The following MYO10 variants were observed in gnomAD, a reference collection of about 807,000 sequenced individuals.
MYO10 encodes the protein myosin X.
A neutral mutation model predicts 257.3 loss-of-function variants in MYO10; 133 were observed. The observed-to-expected ratio is 0.52, with a 90% confidence interval of 0.45 to 0.60. The LOEUF is 0.60. Among genes scored for constraint, MYO10 ranks in the 20% least tolerant of loss-of-function variants. MYO10 has a pLI of 0.00. For missense variants in MYO10, 2,399 were observed against 2,635.7 expected, an observed-to-expected ratio of 0.91 and a Z score of 1.97; for synonymous variants, 1,104 against 1,028.6, an observed-to-expected ratio of 1.07 and a Z score of -1.40.
At chr5:16,766,225 G>A in intron 10 of MYO10, 27 bp from the exon 11 acceptor site, 4 of 1,559,398 alleles carry the variant, frequency 2.6e-6, no homozygotes, top group Non-Finnish European at 2.6e-6. Flanking sequence ...AAAGGTGAAT[G>A]AACCCACCGC....
intron 19 of MYO10, among the ~76,000 whole-genome samples, chr5:16,718,712 T>TG (rs1451012262): frequency 3.3e-5 from 5 of 151,746 alleles, no homozygotes; most frequent in African/African-American, 1.2e-4. Context: ...GGTGAGGACG[T>TG]GGAGAACCTT....
At chr5:16,871,420 G>C (rs1744452897) in intron 2 of MYO10, among the ~76,000 whole-genome samples, 1 of 152,232 alleles carries the variant, frequency 6.6e-6, no homozygotes, top group Middle Eastern at 3.4e-3. Context: ...CTGGAGACCA[G>C]TCTGAACAAC....
chr5:16,916,244 A>C (rs1319674291), intron 1 of MYO10: 1 of 435,024 alleles, frequency 2.3e-6, no homozygotes, highest in African/African-American at 2.0e-5. Context: ...CACCGTCAAC[A>C]GATAGTGGTG....
In MYO10 at chr5:16,680,518, C is replaced by T. The variant is rs1036905996; in HGVS notation, c.4385-414G>A. On this transcript the variant is annotated intron_variant, in intron 32 of 40. Transcript: ENST00000513610. ...TAGCCTCTCCCTTCAGAAGACAGCA[C>T]TTGGCCTGGCAGTGTGTGAGTTCAG... Among the ~76,000 whole-genome samples, 8 of 152,292 alleles carry T rather than the reference C, an allele frequency of 5.3e-5. No individual in the cohort carries two copies. In the East Asian group the frequency reaches 1.4e-3, roughly 26 times the overall value.
chr5:16,921,522 T>A (rs969693304), intron 1 of MYO10, among the ~76,000 whole-genome samples: 1 of 150,132 alleles, frequency 6.7e-6, no homozygotes, highest in Admixed American at 6.7e-5. Flanking sequence ...TCCCAAAGAA[T>A]AAAATTTCCA....
intron 2 of MYO10, among the ~76,000 whole-genome samples, chr5:16,869,894 T>A (rs1580095725): frequency 1.4e-5 from 1 of 73,602 alleles, no homozygotes; most frequent in African/African-American, 5.6e-5. Context: ...AATAACTTAA[T>A]AAAAACAGAA....
rs368900642 is a variant in MYO10 at position 16,721,641 on chromosome 5, G to A, written c.1930-10396C>T. The stretch of plus-strand genomic sequence containing the variant: ...TCAGTCCTGGAGGTCAGATTGTAGG[G>A]TCTGGAAATTTCTCACTCACCAAGT... On this transcript the variant is annotated intron_variant, in intron 19 of 40. Coordinates refer to ENST00000513610, the MANE Select transcript of MYO10 (RefSeq NM_012334.3). Among the ~76,000 whole-genome samples the A allele has an allele frequency of 8.0e-4, 122 of 152,280 alleles. 2 individuals carry two copies. Among genetic ancestry groups the A allele is most frequent in the African/African-American group, 2.7e-3 (113 of 41,536 alleles).
chr5:16,813,299 C>T (rs547946074), intron 3 of MYO10, among the ~76,000 whole-genome samples: 2 of 152,072 alleles, frequency 1.3e-5, no homozygotes, highest in African/African-American at 4.8e-5. Flanking sequence ...GAGGGAGGAT[C>T]ACTTGAGCCC....
Position 16,779,595 on chromosome 5 carries a change from A to T in MYO10, c.880T>A (p.Cys294Ser). The change falls in exon 9 of 41, where the codon TGT (cysteine) becomes AGT (serine). Residue 294 changes from cysteine (C) to serine (S), a missense_variant. Around this residue, in one of 3 missense-constraint regions of MYO10, gnomAD observed 337 missense variants for 446.8 expected, o/e 0.75. Transcript: ENST00000513610. ...ENYHYLNQSG[C>S]VEDKTISDQE... ...TCACTGATTGTCTTGTCTTCTACACATCCAGACTGATTCAAGTAGTGGTAG... is the reference window on the plus strand; with the variant it reads ...TCACTGATTGTCTTGTCTTCTACACTTCCAGACTGATTCAAGTAGTGGTAG... 6.2e-7 allele frequency: 1 copy of T among 1,603,108 alleles called. No homozygotes were observed. The highest frequency in any genetic ancestry group is 8.5e-7 in the Non-Finnish European group (1 of 1,177,158).
At chr5:16,781,342 A>G (rs1295607700) in intron 6 of MYO10, among the ~76,000 whole-genome samples, 1 of 152,166 alleles carries the variant, frequency 6.6e-6, no homozygotes, top group East Asian at 1.9e-4. Flanking sequence ...GGCCTCCCAC[A>G]GTGCTGGGAT....
chr5:16,867,359 G>A (rs1046979714), intron 2 of MYO10, among the ~76,000 whole-genome samples: 1 of 152,056 alleles, frequency 6.6e-6, no homozygotes, highest in Non-Finnish European at 1.5e-5. Context: ...GATTTTTCTG[G>A]GAGACAGGAG....
chr5:16,910,555 A>G (rs955341496), intron 1 of MYO10, among the ~76,000 whole-genome samples: 16 of 152,226 alleles, frequency 1.1e-4, no homozygotes, highest in African/African-American at 3.6e-4. Flanking sequence ...GGGCTCTCAG[A>G]TATTTTATTA....
intron 1 of MYO10, among the ~76,000 whole-genome samples, chr5:16,905,054 T>C (rs1257893055): frequency 6.6e-6 from 1 of 152,174 alleles, no homozygotes; most frequent in Non-Finnish European, 1.5e-5. Context: ...ACAAACTATA[T>C]CAGAACAACC....
Position 16,670,778 on chromosome 5 carries a change from C to T in MYO10, c.5631G>A (p.Leu1877=). ...STKTFTPCER[L]EKRRTSFLEG... ...CTAGGAAGCTCGTCCGCCTCTTCTC[C>T]AGCCGTTCACAAGGGGTGAAGGTTT... is the stretch of plus-strand genomic sequence containing the variant. The change falls in exon 39 of 41, where the codon CTG becomes CTA. Residue 1877 remains leucine, a synonymous_variant. Coordinates refer to ENST00000513610, the MANE Select transcript of MYO10 (RefSeq NM_012334.3). 5 of 1,613,968 alleles carry T rather than the reference C, an allele frequency of 3.1e-6. No homozygotes were observed. The highest frequency in any genetic ancestry group is 4.2e-6 in the Non-Finnish European group (5 of 1,179,898).
At chr5:16,880,981 C>G (rs979255708) in intron 1 of MYO10, among the ~76,000 whole-genome samples, 5 of 152,140 alleles carry the variant, frequency 3.3e-5, no homozygotes, top group African/African-American at 1.2e-4. Flanking sequence ...AAATATACAC[C>G]TCCCAACACA....
At chr5:16,891,823 T>A (rs1295017093) in intron 1 of MYO10, among the ~76,000 whole-genome samples, 2 of 152,186 alleles carry the variant, frequency 1.3e-5, no homozygotes, top group African/African-American at 4.8e-5. Flanking sequence ...GTTTCCATTA[T>A]TTGCAAGTAA....
intron 25 of MYO10, chr5:16,699,786 CA>C (rs1203905060): frequency 0.039 from 2,062 of 53,256 alleles, 15 homozygotes; most frequent in African/African-American, 0.096. Flanking sequence ...GCCTCAGTCT[CA>C]AAAAAAAAAA....
At chr5:16,841,647 C>CTG (rs1370689621) in intron 2 of MYO10, among the ~76,000 whole-genome samples, 3 of 152,168 alleles carry the variant, frequency 2.0e-5, no homozygotes, top group Non-Finnish European at 4.4e-5. Flanking sequence ...CATCACAACG[C>CTG]GGCAGCCTTT....
At chr5:16,727,546 G>A (rs1213488751) in intron 19 of MYO10, among the ~76,000 whole-genome samples, 1 of 152,164 alleles carries the variant, frequency 6.6e-6, no homozygotes, top group Non-Finnish European at 1.5e-5. Context: ...CGAGGCTAAT[G>A]ACTCTGAACA....
Sources: gnomAD v4.1 joint callset for allele counts (sites outside exome capture counted in the v4.1 genomes callset) on GRCh38, gnomAD v4.1.1 for gene constraint, gnomAD v4.1.1 regional missense constraint, MANE v1.5 for transcripts, NCBI Gene and HGNC (gene_info 2026-07-23, HGNC 2026-07-21) for gene names.